The following NELL2 variants were observed in gnomAD, a reference collection of about 807,000 sequenced individuals.
The protein encoded by NELL2 is neural EGFL like 2.
Under a neutral mutation model 109.6 loss-of-function variants are expected in NELL2, and 41 were observed. The ratio of observed to expected loss-of-function variants is 0.37; its 90% CI spans 0.29 to 0.49. The LOEUF is 0.49. Among genes scored for constraint, NELL2 ranks in the 20% least tolerant of loss-of-function variants. The pLI is 0.98. For synonymous variants in NELL2, 355 were observed against 344.7 expected (o/e 1.03, Z -0.33); for missense variants, 900 against 1,008.3 (o/e 0.89, Z 1.45).
chr12:44,711,340 C>T lies in NELL2; in HGVS notation c.1141G>A (p.Glu381Lys). The T allele has an allele frequency of 6.2e-7, 1 of 1,612,676 alleles. No homozygotes were observed. Among genetic ancestry groups the T allele is most frequent in the South Asian group, 1.1e-5 (1 of 91,062 alleles). Residue 381 changes from glutamate (E) to lysine (K), a missense_variant, in exon 11 of 20, where the codon GAG (glutamate) becomes AAG (lysine). Coordinates refer to ENST00000429094, the MANE Select transcript of NELL2 (RefSeq NM_001145108.2). The stretch of plus-strand genomic sequence containing the variant: ...TGAGACAAGGTTATCTGATGAGACT[C>T]TGGACAATCCAAAGCTGGACAGCCT... ...SSGCPALDCP[E>K]SHQITLSHSC...
At chr12:44,799,597 G>A (rs936410137) in intron 3 of NELL2, among the ~76,000 whole-genome samples, 11 of 151,850 alleles carry the variant, frequency 7.2e-5, no homozygotes, top group Non-Finnish European at 1.0e-4. Context: ...TCTAATGTCC[G>A]AAATGGTCAT....
chr12:44,600,772 A>G (rs1393579363), intron 15 of NELL2, among the ~76,000 whole-genome samples: 1 of 152,220 alleles, frequency 6.6e-6, no homozygotes, highest in Non-Finnish European at 1.5e-5. Flanking sequence ...GATTTCCAGG[A>G]TATTTTGTTA....
upstream of NELL2, chr12:44,876,604 C>T: frequency 3.2e-6 from 5 of 1,549,100 alleles, no homozygotes; most frequent in Non-Finnish European, 4.4e-6. Flanking sequence ...TCTTTGCTCT[C>T]ACCCCTCGAT....
At chr12:44,875,782 C>A in intron 1 of NELL2, 33 bp downstream of exon 1, 1 of 1,612,818 alleles carries the variant, frequency 6.2e-7, no homozygotes, top group South Asian at 1.1e-5. Context: ...GGGAGCCATC[C>A]CTTTCCCCAG....
At chr12:44,843,948 G>A (rs554347675) in intron 2 of NELL2, among the ~76,000 whole-genome samples, 1 of 152,206 alleles carries the variant, frequency 6.6e-6, no homozygotes, top group Admixed American at 6.5e-5. Flanking sequence ...CTTGAGCCTG[G>A]GAAGCAGAGG....
chr12:44,527,173 T>C (rs1941822129), intron 16 of NELL2, among the ~76,000 whole-genome samples: 2 of 152,238 alleles, frequency 1.3e-5, no homozygotes, highest in African/African-American at 4.8e-5. Context: ...ATCACAGCGT[T>C]GGGCTTGAAC....
intron 15 of NELL2, among the ~76,000 whole-genome samples, chr12:44,558,710 C>A (rs967317761): frequency 3.3e-5 from 5 of 152,132 alleles, no homozygotes; most frequent in Admixed American, 6.5e-5. Flanking sequence ...GTGCCTATGA[C>A]ACAAGGGCCC....
intron 9 of NELL2, among the ~76,000 whole-genome samples, chr12:44,758,348 C>T (rs868817784): frequency 2.6e-5 from 4 of 152,148 alleles, no homozygotes; most frequent in African/African-American, 4.8e-5. Flanking sequence ...AAATGCTATT[C>T]GCTGTGTTGG....
intron 2 of NELL2, among the ~76,000 whole-genome samples, chr12:44,838,997 T>C (rs1279027592): frequency 1.3e-5 from 2 of 152,240 alleles, no homozygotes; most frequent in African/African-American, 4.8e-5. Flanking sequence ...GAGGACCTGA[T>C]AACTGCAAGA....
intron 2 of NELL2, among the ~76,000 whole-genome samples, chr12:44,838,390 T>G (rs1944119879): frequency 1.3e-5 from 2 of 152,202 alleles, no homozygotes; most frequent in Non-Finnish European, 2.9e-5. Flanking sequence ...TTACCTACAT[T>G]TGAAATCATC....
At chr12:44,634,666 A>T (rs1946571796) in intron 13 of NELL2, among the ~76,000 whole-genome samples, 2 of 152,214 alleles carry the variant, frequency 1.3e-5, no homozygotes, top group Non-Finnish European at 2.9e-5. Context: ...AGAATGATTA[A>T]TAATCCTTTG....
chr12:44,740,223 T>C (rs1418376043), intron 9 of NELL2, among the ~76,000 whole-genome samples: 1 of 152,190 alleles, frequency 6.6e-6, no homozygotes, highest in African/African-American at 2.4e-5. Context: ...TCAGAGATGC[T>C]TTCTTGCTTT....
chr12:44,787,515 A>C (rs2086154417), intron 3 of NELL2, among the ~76,000 whole-genome samples: 1 of 152,196 alleles, frequency 6.6e-6, no homozygotes, highest in Admixed American at 6.5e-5. Context: ...ATAGTTTTGA[A>C]GAAGGAATAA....
chr12:44,812,794 A>G (rs1414928443), intron 3 of NELL2, among the ~76,000 whole-genome samples: 2 of 152,170 alleles, frequency 1.3e-5, no homozygotes, highest in Non-Finnish European at 2.9e-5. Flanking sequence ...TGGCTCTGTC[A>G]GTAACTAGCT....
intron 2 of NELL2, among the ~76,000 whole-genome samples, chr12:44,824,168 A>C (rs1301201292): frequency 6.6e-6 from 1 of 152,038 alleles, no homozygotes; most frequent in Non-Finnish European, 1.5e-5. Context: ...TGGACAATGG[A>C]CCCCTTGGCA....
At chr12:44,661,905 T>C (rs1162125395) in intron 13 of NELL2, among the ~76,000 whole-genome samples, 1 of 152,076 alleles carries the variant, frequency 6.6e-6, no homozygotes, top group Non-Finnish European at 1.5e-5. Context: ...CTCTCTGTTC[T>C]CCCTTCCCCC....
intron 12 of NELL2, among the ~76,000 whole-genome samples, chr12:44,689,496 C>T (rs1397681637): frequency 6.6e-6 from 1 of 152,144 alleles, no homozygotes; most frequent in Admixed American, 6.6e-5. Context: ...ATCTCTCTCA[C>T]CATAGAGTGT....
intron 7 of NELL2, 56 bp from the exon 8 acceptor site, chr12:44,776,206 G>A: frequency 6.3e-7 from 1 of 1,593,298 alleles, no homozygotes; most frequent in Non-Finnish European, 8.5e-7. Context: ...ACACAGAAAT[G>A]TGAAACACTC....
At chr12:44,912,412 G>A (rs1046870355) in intron 1 of NELL2, among the ~76,000 whole-genome samples, 18 of 152,048 alleles carry the variant, frequency 1.2e-4, no homozygotes, top group African/African-American at 3.4e-4. Context: ...ATTTACTCTA[G>A]GACTTCTCTG....
Sources: gnomAD v4.1 joint callset for allele counts (sites outside exome capture counted in the v4.1 genomes callset) on GRCh38, gnomAD v4.1.1 for gene constraint, MANE v1.5 for transcripts, NCBI Gene and HGNC (gene_info 2026-07-23, HGNC 2026-07-21) for gene names.